Variants in TENM4 observed in about 807,000 individuals in gnomAD.
The protein encoded by TENM4 is teneurin-4.
A neutral mutation model predicts 243.3 loss-of-function variants in TENM4; 82 were observed. The observed-to-expected ratio is 0.34, with a 90% confidence interval of 0.28 to 0.40. TENM4 has a LOEUF of 0.40. TENM4 is among the 10% of genes least tolerant of loss of function. The pLI is 1.00. For synonymous variants in TENM4, 1,412 were observed against 1,456.3 expected, an observed-to-expected ratio of 0.97 and a Z score of 0.69; for missense variants, 3,138 against 3,673.3, an observed-to-expected ratio of 0.85 and a Z score of 3.77.
intron 12 of TENM4, among the ~76,000 whole-genome samples, chr11:78,823,810 G>A (rs1163324181): frequency 1.3e-5 from 2 of 152,140 alleles, no homozygotes; most frequent in African/African-American, 4.8e-5. Context: ...CCCTTGCAAC[G>A]GAAAAAACTA....
intron 6 of TENM4, among the ~76,000 whole-genome samples, chr11:78,955,996 T>C (rs1857200839): frequency 6.6e-6 from 1 of 152,162 alleles, no homozygotes; most frequent in African/African-American, 2.4e-5. Context: ...CTTTGCATCT[T>C]GACTCTGTAC....
At position 79,069,704 on chromosome 11, in the gene TENM4, C is replaced by G; in HGVS notation, c.223+18G>C. ...GCTCACCTGCGCCTGAGGCCCGCCC[C>G]CTCGGCCTTGTCCTTACCTGTGCGG... On this transcript the variant is annotated intron_variant, in intron 5 of 33. Transcript: ENST00000278550. The G allele has an allele frequency of 6.5e-7, 1 of 1,542,020 alleles. No homozygotes were observed. Among genetic ancestry groups the G allele is most frequent in the Admixed American group, 2.0e-5 (1 of 50,792 alleles).
At chr11:79,351,574 G>A (rs1857416016) in intron 1 of TENM4, among the ~76,000 whole-genome samples, 1 of 152,086 alleles carries the variant, frequency 6.6e-6, no homozygotes. Flanking sequence ...GGCGTGATTG[G>A]CAGGCATCTG....
At chr11:78,826,766 T>C (rs1591052827) in intron 12 of TENM4, among the ~76,000 whole-genome samples, 1 of 152,246 alleles carries the variant, frequency 6.6e-6, no homozygotes, top group Non-Finnish European at 1.5e-5. Context: ...AAAATCTTCA[T>C]GTTGGCTTTC....
At chr11:78,905,688 T>C (rs1325831005) in intron 6 of TENM4, among the ~76,000 whole-genome samples, 2 of 152,156 alleles carry the variant, frequency 1.3e-5, no homozygotes, top group African/African-American at 4.8e-5. Context: ...AGAATGTGAA[T>C]GGTACTCCCT....
Position 78,667,093 on chromosome 11 carries a change from C to T in TENM4, c.7408+1844G>A, listed in dbSNP as rs888060998. Among the ~76,000 whole-genome samples the T allele has an allele frequency of 2.0e-5, 3 of 152,252 alleles. No individual in the cohort carries two copies. The South Asian group carries it at 6.2e-4, about 32-fold the overall frequency. ...GACAGATGTAATGGAAATGTCATCT[C>T]AATCTGTCAAGTTTCTCTAGAACTA... On this transcript the variant is annotated intron_variant, in intron 32 of 33. Transcript: ENST00000278550.
intron 4 of TENM4, among the ~76,000 whole-genome samples, chr11:79,126,702 G>C (rs1861885162): frequency 6.6e-6 from 1 of 152,128 alleles, no homozygotes; most frequent in Non-Finnish European, 1.5e-5. Flanking sequence ...GAGAATCATG[G>C]CCCCTCAATC....
intron 18 of TENM4, among the ~76,000 whole-genome samples, chr11:78,767,320 G>A (rs957387288): frequency 6.6e-6 from 1 of 152,212 alleles, no homozygotes; most frequent in African/African-American, 2.4e-5. Context: ...CAGTGTTGCT[G>A]GATGGATGCA....
intron 6 of TENM4, among the ~76,000 whole-genome samples, chr11:78,917,080 T>C (rs966139211): frequency 6.6e-6 from 1 of 152,246 alleles, no homozygotes; most frequent in Middle Eastern, 3.2e-3. Context: ...AATAGTTATA[T>C]GAATGATGTT....
rs564814887 is a variant in TENM4 at position 79,205,866 on chromosome 11, G to T, written c.-163+9942C>A. Among the ~76,000 whole-genome samples the T allele has an allele frequency of 4.6e-5, 7 of 152,356 alleles. No individual in the cohort carries two copies. The East Asian group carries it at 9.6e-4, about 21-fold the overall frequency. ...TTTATAATTGAAATGAAGGAAGAGA[G>T]AAAGGAGGCACTACTAATGTTGAAC... On this transcript the variant is annotated intron_variant, in intron 3 of 33. Transcript: ENST00000278550.
intron 1 of TENM4, among the ~76,000 whole-genome samples, chr11:79,379,356 G>A (rs1261609711): frequency 1.3e-5 from 2 of 152,204 alleles, no homozygotes; most frequent in African/African-American, 4.8e-5. Context: ...TTATGCAGGG[G>A]AGTGAGGCTG....
chr11:78,818,347 T>C (rs536096390), intron 12 of TENM4, among the ~76,000 whole-genome samples: 1 of 152,314 alleles, frequency 6.6e-6, no homozygotes, highest in East Asian at 1.9e-4. Flanking sequence ...AAAGCCTTCA[T>C]AGTGAGAAAG....
intron 6 of TENM4, among the ~76,000 whole-genome samples, chr11:79,010,713 A>C (rs1022068672): frequency 6.6e-6 from 1 of 152,156 alleles, no homozygotes; most frequent in South Asian, 2.1e-4. Context: ...ACCTGCCCCC[A>C]TGATTCAATT....
At chr11:79,204,809 C>G (rs557527107) in intron 3 of TENM4, among the ~76,000 whole-genome samples, 3 of 152,234 alleles carry the variant, frequency 2.0e-5, no homozygotes, top group African/African-American at 7.2e-5. Context: ...CAACACGGCT[C>G]GTGCTGGATG....
chr11:78,868,125 C>CTAAG (rs1222001791), intron 9 of TENM4, among the ~76,000 whole-genome samples: 6 of 150,622 alleles, frequency 4.0e-5, no homozygotes, highest in Non-Finnish European at 2.9e-5. Flanking sequence ...CCCCAGCCTG[C>CTAAG]TAAGGATAGA....
At chr11:79,182,590 A>C (rs1337351280) in intron 3 of TENM4, among the ~76,000 whole-genome samples, 1 of 152,180 alleles carries the variant, frequency 6.6e-6, no homozygotes, top group Non-Finnish European at 1.5e-5. Context: ...TAAAATTAAA[A>C]ACTTATGCTC....
intron 4 of TENM4, among the ~76,000 whole-genome samples, chr11:79,120,948 C>T (rs1423940162): frequency 4.6e-5 from 7 of 152,196 alleles, no homozygotes; most frequent in African/African-American, 1.2e-4. Flanking sequence ...ACTGAGGCCT[C>T]GGGAGCTTAT....
chr11:78,864,622 T>A (rs1380928942), intron 9 of TENM4, among the ~76,000 whole-genome samples: 1 of 152,158 alleles, frequency 6.6e-6, no homozygotes, highest in African/African-American at 2.4e-5. Flanking sequence ...GCACAAAATA[T>A]CTGCTTAAAT....
At chr11:78,892,184 A>G (rs542742552) in intron 7 of TENM4, among the ~76,000 whole-genome samples, 4 of 152,374 alleles carry the variant, frequency 2.6e-5, no homozygotes, top group Admixed American at 1.3e-4. Flanking sequence ...GAATGAAGAC[A>G]GACATACTTG....
Sources: allele counts gnomAD v4.1 joint callset (sites outside exome capture counted in the v4.1 genomes callset), GRCh38; gene constraint gnomAD v4.1.1; transcripts MANE v1.5; gene names NCBI Gene and HGNC (gene_info 2026-07-23, HGNC 2026-07-21).